SLC9A8: variants seen among roughly 807,000 people sequenced by gnomAD.
SLC9A8 encodes the protein solute carrier family 9 member A8, also known as sodium/hydrogen exchanger 8.
SLC9A8 carries 48 observed loss-of-function variants against 66.6 expected under a neutral mutation model. The observed-to-expected ratio is 0.72, with a 90% CI of 0.57 to 0.92. The LOEUF (loss-of-function observed/expected upper bound fraction) is 0.92. Among genes scored for constraint, SLC9A8 ranks in the 40% least tolerant of loss-of-function variants. The probability of loss-of-function intolerance (pLI) is 0.00; values close to 1 mark genes in which losing one functional copy is unlikely to be tolerated. For missense variants in SLC9A8, 599 were observed against 747.3 expected (o/e 0.80, Z 2.31); for synonymous variants, 274 against 282.6 (o/e 0.97, Z 0.31).
At chr20:49,861,390 A>C (rs951190632) in intron 8 of SLC9A8, among the ~76,000 whole-genome samples, 1 of 152,180 alleles carries the variant, frequency 6.6e-6, no homozygotes, top group Non-Finnish European at 1.5e-5. Context: ...CAGAAAATAC[A>C]AAAACTAACT....
At chr20:49,816,788 G>A (rs1323831941) in intron 2 of SLC9A8, among the ~76,000 whole-genome samples, 8 of 152,000 alleles carry the variant, frequency 5.3e-5, no homozygotes, top group Non-Finnish European at 2.9e-5. Context: ...GAGTGCAGTG[G>A]CATTATCTCG....
chr20:49,814,893 A>G, intron 1 of SLC9A8, 115 bp from the exon 2 acceptor site: 1 of 792,640 alleles, frequency 1.3e-6, no homozygotes, highest in South Asian at 2.7e-5. Flanking sequence ...CTGCCTGTTA[A>G]AGACTTCTGA....
intron 2 of SLC9A8, among the ~76,000 whole-genome samples, chr20:49,817,326 C>A (rs768977742): frequency 6.6e-5 from 10 of 151,596 alleles, no homozygotes; most frequent in Admixed American, 2.0e-4. Flanking sequence ...CCCCACCCCC[C>A]CAAAAAAACA....
intron 3 of SLC9A8, among the ~76,000 whole-genome samples, chr20:49,828,126 G>A (rs1485690674): frequency 6.9e-6 from 1 of 145,618 alleles, no homozygotes; most frequent in African/African-American, 2.6e-5. Flanking sequence ...TGCCGCCCAG[G>A]CTGGAGTGCA....
intron 10 of SLC9A8, among the ~76,000 whole-genome samples, chr20:49,872,763 G>A (rs914366576): frequency 6.6e-6 from 1 of 152,176 alleles, no homozygotes; most frequent in Non-Finnish European, 1.5e-5. Context: ...GGGATTACAG[G>A]CATGAGCCAC....
At chr20:49,846,820 A>C (rs2088016175) in intron 5 of SLC9A8, among the ~76,000 whole-genome samples, 1 of 152,126 alleles carries the variant, frequency 6.6e-6, no homozygotes, top group Admixed American at 6.6e-5. Context: ...AGGCTGAAGC[A>C]TGAGAATCAT....
intron 3 of SLC9A8, among the ~76,000 whole-genome samples, chr20:49,828,073 ATTTTTT>A (rs58366162): frequency 2.5e-5 from 2 of 81,510 alleles, no homozygotes; most frequent in Non-Finnish European, 4.9e-5. Flanking sequence ...CCAAAAAAAA[ATTTTTT>A]TTTTTTTTTT....
chr20:49,813,891 C>G (rs1485423007), intron 1 of SLC9A8, among the ~76,000 whole-genome samples: 1 of 152,096 alleles, frequency 6.6e-6, no homozygotes, highest in Non-Finnish European at 1.5e-5. Flanking sequence ...TGGGGAAGGA[C>G]GGGCTGTGTC....
intron 3 of SLC9A8, among the ~76,000 whole-genome samples, chr20:49,837,715 G>A (rs908224779): frequency 1.3e-5 from 2 of 151,940 alleles, no homozygotes; most frequent in Admixed American, 6.5e-5. Context: ...GATTAGAGGC[G>A]CCCGCCATGC....
chr20:49,834,163 CTCT>C, intron 3 of SLC9A8, among the ~76,000 whole-genome samples: 1 of 55,044 alleles, frequency 1.8e-5, no homozygotes, highest in East Asian at 3.5e-4. Context: ...CTCTCTCTCT[CTCT>C]CTCTCTCTCT....
chr20:49,822,306 A>G (rs1434900136), intron 2 of SLC9A8, among the ~76,000 whole-genome samples: 1 of 151,268 alleles, frequency 6.6e-6, no homozygotes, highest in Non-Finnish European at 1.5e-5. Context: ...ATGGCAAAAT[A>G]ATTTGTGTCA....
intron 14 of SLC9A8, among the ~76,000 whole-genome samples, chr20:49,884,336 A>ACACACACACACACACACACAC (rs1568884621): frequency 6.5e-5 from 7 of 108,476 alleles, no homozygotes; most frequent in Admixed American, 9.7e-5. Context: ...ACACACACAC[A>ACACACACACACACACACACAC]CCCCCCGGTC....
chr20:49,819,632 A>G (rs184966455), intron 2 of SLC9A8, among the ~76,000 whole-genome samples: 8 of 152,300 alleles, frequency 5.3e-5, no homozygotes, highest in Admixed American at 2.6e-4. Flanking sequence ...TTGTGCAGCT[A>G]TCACTACTAT....
intron 8 of SLC9A8, among the ~76,000 whole-genome samples, chr20:49,858,552 T>G (rs1219563087): frequency 6.6e-6 from 1 of 151,934 alleles, no homozygotes; most frequent in African/African-American, 2.4e-5. Flanking sequence ...TCTGAGCTTT[T>G]CCAGTTGTCT....
intron 3 of SLC9A8, among the ~76,000 whole-genome samples, chr20:49,826,794 T>C (rs1038249533): frequency 6.6e-6 from 1 of 152,216 alleles, no homozygotes; most frequent in Non-Finnish European, 1.5e-5. Flanking sequence ...AAAAATCTTG[T>C]TTATTGACAA....
At chr20:49,832,567 G>C (rs960442244) in intron 3 of SLC9A8, among the ~76,000 whole-genome samples, 1 of 152,192 alleles carries the variant, frequency 6.6e-6, no homozygotes, top group Non-Finnish European at 1.5e-5. Flanking sequence ...TATATTATAA[G>C]GCAGCCACAC....
At chr20:49,830,797 TG>T in intron 3 of SLC9A8, 1 of 1,010,046 alleles carries the variant, frequency 9.9e-7, no homozygotes, top group Non-Finnish European at 1.6e-6. Flanking sequence ...GTGCTGACCC[TG>T]GCCTAGGTGA....
At chr20:49,881,059 G>T (rs1298774875) in intron 13 of SLC9A8, 24 bp downstream of exon 13, 1 of 1,532,248 alleles carries the variant, frequency 6.5e-7, no homozygotes, top group South Asian at 1.1e-5. Context: ...TGGATAAATG[G>T]GGTGGGGAAG....
intron 10 of SLC9A8, among the ~76,000 whole-genome samples, chr20:49,871,785 G>A (rs1269616899): frequency 6.6e-6 from 1 of 152,214 alleles, no homozygotes; most frequent in African/African-American, 2.4e-5. Context: ...AGTGGGTCAG[G>A]TGCACAGGTG....
Sources: allele counts gnomAD v4.1 joint callset (sites outside exome capture counted in the v4.1 genomes callset), GRCh38; gene constraint gnomAD v4.1.1; transcripts MANE v1.5; gene names NCBI Gene and HGNC (gene_info 2026-07-23, HGNC 2026-07-21).